The following ANKRD17 variants were observed in gnomAD, a reference collection of about 807,000 sequenced individuals.
ANKRD17 encodes the protein ankyrin repeat domain-containing protein 17.
A neutral mutation model predicts 229.7 loss-of-function variants in ANKRD17; 19 were observed. That is an observed-to-expected ratio of 0.08 (90% confidence interval 0.06 to 0.12). The LOEUF is 0.12. ANKRD17 is among the 10% of genes least tolerant of loss of function. The pLI is 1.00. For synonymous variants in ANKRD17, 1,112 were observed against 1,146.1 expected (o/e 0.97, Z 0.60); for missense variants, 2,176 against 3,176.8 (o/e 0.68, Z 7.57).
At chr4:73,205,077 G>C (rs1739268403) in intron 1 of ANKRD17, among the ~76,000 whole-genome samples, 1 of 152,148 alleles carries the variant, frequency 6.6e-6, no homozygotes, top group Non-Finnish European at 1.5e-5. Context: ...ACTTTGGGAG[G>C]TCAAGGTGGG....
At chr4:73,103,113 A>G (rs545651486) in intron 24 of ANKRD17, among the ~76,000 whole-genome samples, 1 of 152,118 alleles carries the variant, frequency 6.6e-6, no homozygotes, top group South Asian at 2.1e-4. Context: ...AATGGGAAGG[A>G]ATAAATTAAC....
intron 28 of ANKRD17, among the ~76,000 whole-genome samples, chr4:73,093,412 T>C (rs928623768): frequency 7.2e-6 from 1 of 138,798 alleles, no homozygotes; most frequent in African/African-American, 2.7e-5. Flanking sequence ...AGTTTCACTC[T>C]TGTTGCCCAG....
chr4:73,096,129 TA>T (rs1403951521), intron 27 of ANKRD17, among the ~76,000 whole-genome samples: 2 of 152,214 alleles, frequency 1.3e-5, no homozygotes, highest in Admixed American at 1.3e-4. Context: ...AAAATTGTCA[TA>T]TTTTCTAAAA....
At position 73,102,331 on chromosome 4, in the gene ANKRD17, T is replaced by G. The variant is rs760434559; in HGVS notation, c.4573+45A>C. On this transcript the variant is annotated intron_variant, in intron 25 of 33. Coordinates refer to ENST00000358602, the MANE Select transcript of ANKRD17 (RefSeq NM_032217.5). The stretch of plus-strand genomic sequence containing the variant: ...ACTGATAATCAAGTAAATATAATTT[T>G]AACTAGAATATAAAACAAATGGGAT... 6.5e-6 allele frequency: 10 copies of G among 1,537,368 alleles called. No homozygotes were observed. In the South Asian group the frequency reaches 1.2e-4, roughly 19 times the overall value.
intron 10 of ANKRD17, among the ~76,000 whole-genome samples, chr4:73,145,085 T>C (rs997229738): frequency 2.0e-5 from 3 of 152,212 alleles, no homozygotes; most frequent in East Asian, 1.9e-4. Flanking sequence ...TTTGAAGTTA[T>C]AGTCACGTGA....
chr4:73,095,245 T>C (rs1229809767), intron 27 of ANKRD17, among the ~76,000 whole-genome samples: 1 of 152,060 alleles, frequency 6.6e-6, no homozygotes, highest in African/African-American at 2.4e-5. Context: ...TCCACAAATA[T>C]GAAAACTTTC....
chr4:73,217,589 T>G (rs894074411), intron 1 of ANKRD17, among the ~76,000 whole-genome samples: 2 of 152,144 alleles, frequency 1.3e-5, no homozygotes, highest in Non-Finnish European at 2.9e-5. Flanking sequence ...CTTGAACTCC[T>G]GGGCTCAAGC....
intron 3 of ANKRD17, among the ~76,000 whole-genome samples, chr4:73,158,900 G>A (rs1732130900): frequency 6.6e-6 from 1 of 152,198 alleles, no homozygotes; most frequent in Non-Finnish European, 1.5e-5. Context: ...ACCAGATGCA[G>A]CCCCTTGACC....
chr4:73,078,081 C>G (rs1001112490), intron 31 of ANKRD17, among the ~76,000 whole-genome samples: 3 of 151,932 alleles, frequency 2.0e-5, no homozygotes, highest in Non-Finnish European at 2.9e-5. Flanking sequence ...GAAACCCTGT[C>G]TCTACTAAAA....
In ANKRD17 at chr4:73,076,146, G is replaced by T; in HGVS notation, c.*85C>A. On this transcript the variant is annotated 3_prime_UTR_variant, in exon 34 of 34. Coordinates refer to ENST00000358602, the MANE Select transcript of ANKRD17 (RefSeq NM_032217.5). Reference sequence around the variant, plus strand: ...CTTCAGTCAAGCACATCAGTAGAATGATTTGGGAGCATAATTTTTTTTTTC... The same window carrying T: ...CTTCAGTCAAGCACATCAGTAGAATTATTTGGGAGCATAATTTTTTTTTTC... The T allele has an allele frequency of 1.6e-6, 2 of 1,232,504 alleles. No individual in the cohort carries two copies. The highest frequency in any genetic ancestry group is 1.1e-6 in the Non-Finnish European group (1 of 876,828). The allele number at this position is 1,232,504 out of a possible 1,614,324, so 76.3% of individuals were successfully genotyped here.
intron 30 of ANKRD17, among the ~76,000 whole-genome samples, chr4:73,084,923 C>T (rs918276334): frequency 3.3e-5 from 5 of 152,088 alleles, no homozygotes; most frequent in African/African-American, 1.2e-4. Context: ...GTGGCTCACA[C>T]CTGTAATCCC....
At chr4:73,166,621 T>C (rs1263264428) in intron 2 of ANKRD17, among the ~76,000 whole-genome samples, 1 of 152,190 alleles carries the variant, frequency 6.6e-6, no homozygotes, top group African/African-American at 2.4e-5. Context: ...GCATTATGAA[T>C]GACTATTCTT....
intron 1 of ANKRD17, among the ~76,000 whole-genome samples, chr4:73,181,479 G>A (rs923372925): frequency 3.9e-5 from 6 of 152,036 alleles, no homozygotes; most frequent in African/African-American, 1.2e-4. Flanking sequence ...AAGAGCTCGC[G>A]TTACATTACA....
Position 73,095,051 on chromosome 4 carries a change from G to T in ANKRD17, c.5178-823C>A, listed in dbSNP as rs574396615. Among the ~76,000 whole-genome samples, 177 of 152,090 alleles carry T rather than the reference G, an allele frequency of 1.2e-3. 1 individual carries two copies. The highest frequency in any genetic ancestry group is 3.9e-3 in the African/African-American group (163 of 41,494). ...TAGCCAGGCATGGTGGTGTGCACCT[G>T]TAATCCCAGCTACTCAGGAGGCTGA... On this transcript the variant is annotated intron_variant, in intron 27 of 33. Coordinates refer to ENST00000358602, the MANE Select transcript of ANKRD17 (RefSeq NM_032217.5).
At chr4:73,087,956 G>GA (rs368311218) in intron 29 of ANKRD17, among the ~76,000 whole-genome samples, 1 of 150,342 alleles carries the variant, frequency 6.7e-6, no homozygotes, top group Non-Finnish European at 1.5e-5. Context: ...CAAAAGAGAG[G>GA]AAAAAAAAGG....
intron 1 of ANKRD17, among the ~76,000 whole-genome samples, chr4:73,195,726 C>G (rs1392702019): frequency 3.9e-5 from 6 of 152,140 alleles, no homozygotes; most frequent in African/African-American, 1.4e-4. Context: ...CCAGGATGGT[C>G]TCAATCCCCT....
At chr4:73,215,549 C>T (rs754555597) in intron 1 of ANKRD17, among the ~76,000 whole-genome samples, 8 of 152,106 alleles carry the variant, frequency 5.3e-5, no homozygotes, top group Non-Finnish European at 1.2e-4. Flanking sequence ...TGGGCCACTG[C>T]GCCTGGCTGA....
At chr4:73,185,537 A>T (rs1232745229) in intron 1 of ANKRD17, among the ~76,000 whole-genome samples, 3 of 152,078 alleles carry the variant, frequency 2.0e-5, no homozygotes, top group Non-Finnish European at 4.4e-5. Context: ...AATCCAGTCA[A>T]TGCAGAAAAA....
intron 1 of ANKRD17, among the ~76,000 whole-genome samples, chr4:73,220,034 A>G (rs1741637545): frequency 6.6e-6 from 1 of 152,156 alleles, no homozygotes; most frequent in Non-Finnish European, 1.5e-5. Flanking sequence ...AAAAAAGCCA[A>G]CATATAAACC....
Sources: gnomAD v4.1 joint callset for allele counts (sites outside exome capture counted in the v4.1 genomes callset) on GRCh38, gnomAD v4.1.1 for gene constraint, MANE v1.5 for transcripts, NCBI Gene and HGNC (gene_info 2026-07-23, HGNC 2026-07-21) for gene names.